The following SLCO2B1 variants were observed in gnomAD, a reference collection of about 807,000 sequenced individuals.
SLCO2B1 encodes OATP-RP2.
Under a neutral mutation model 67.3 loss-of-function variants are expected in SLCO2B1, and 41 were observed. The ratio of observed to expected loss-of-function variants is 0.61; its 90% CI spans 0.47 to 0.79. The LOEUF (loss-of-function observed/expected upper bound fraction) is 0.79. Among genes scored for constraint, SLCO2B1 ranks in the 30% least tolerant of loss-of-function variants. The pLI, the probability that SLCO2B1 is intolerant of heterozygous loss-of-function variation, is 0.00. For synonymous variants in SLCO2B1, 379 were observed against 381.4 expected, an observed-to-expected ratio of 0.99 and a Z score of 0.07; for missense variants, 837 against 920.1, an observed-to-expected ratio of 0.91 and a Z score of 1.17.
chr11:75,187,333 C>T (rs1212416225), intron 7 of SLCO2B1, among the ~76,000 whole-genome samples: 1 of 152,188 alleles, frequency 6.6e-6, no homozygotes, highest in Admixed American at 6.5e-5. Flanking sequence ...TGCACATGGG[C>T]CGTTCCCACC....
Position 75,204,412 on chromosome 11 carries a change from C to G in SLCO2B1, c.1962C>G (p.Leu654=). The part of the protein sequence containing the change: ...NDLLRNRFIG[L]QFFFKTGSVI... ...ATTCTTTCCCCAGGTTCATCGGCCT[C>G]CAGTTCTTCTTCAAAACAGGTTCTG... The change falls in exon 14 of 14, where the codon CTC becomes CTG. Residue 654 remains leucine (L), a synonymous_variant. Coordinates refer to ENST00000289575, the MANE Select transcript of SLCO2B1 (RefSeq NM_007256.5). 2 of 1,606,550 alleles carry G rather than the reference C, an allele frequency of 1.2e-6. No homozygotes were observed.
At chr11:75,200,774 C>T (rs1440870986) in intron 11 of SLCO2B1, 4 of 168,066 alleles carry the variant, frequency 2.4e-5, no homozygotes, top group Non-Finnish European at 5.0e-5. Context: ...GGAGGTGCAT[C>T]TAGGAAACCA....
intron 9 of SLCO2B1, among the ~76,000 whole-genome samples, chr11:75,195,330 C>T (rs1204513196): frequency 1.3e-5 from 2 of 152,216 alleles, no homozygotes; most frequent in Non-Finnish European, 2.9e-5. Context: ...TCCTGATGGG[C>T]CCTCAGCTCA....
chr11:75,198,536 C>G (rs758125674), intron 10 of SLCO2B1, among the ~76,000 whole-genome samples: 1 of 152,248 alleles, frequency 6.6e-6, no homozygotes, highest in Non-Finnish European at 1.5e-5. Context: ...AAGGACCAGA[C>G]ATTGCCCAGA....
intron 3 of SLCO2B1, among the ~76,000 whole-genome samples, chr11:75,165,549 C>G (rs371647766): frequency 5.3e-5 from 8 of 152,314 alleles, no homozygotes; most frequent in African/African-American, 1.9e-4. Flanking sequence ...AACATGGGGT[C>G]CAATCTGTGT....
chr11:75,188,312 C>G (rs1469066673), intron 8 of SLCO2B1, 74 bp downstream of exon 8: 35 of 964,098 alleles, frequency 3.6e-5, no homozygotes, highest in Non-Finnish European at 5.4e-5. Context: ...TCCAGTCCTT[C>G]CTGCTTTTCT....
At chr11:75,172,628 C>A in intron 7 of SLCO2B1, 59 bp downstream of exon 7, 1 of 1,462,218 alleles carries the variant, frequency 6.8e-7, no homozygotes, top group South Asian at 1.2e-5. Flanking sequence ...CACTTGTTCT[C>A]CTTTGTAACA....
intron 4 of SLCO2B1, among the ~76,000 whole-genome samples, chr11:75,166,612 A>G (rs1311999068): frequency 1.3e-5 from 2 of 151,328 alleles, no homozygotes; most frequent in African/African-American, 4.9e-5. Context: ...TCCATCATCT[A>G]TCCACCCATC....
chr11:75,186,496 G>A (rs1020746225), intron 7 of SLCO2B1, among the ~76,000 whole-genome samples: 3 of 151,392 alleles, frequency 2.0e-5, no homozygotes, highest in East Asian at 3.9e-4. Context: ...GGTGTGAGCC[G>A]CCACGCCCGA....
intron 7 of SLCO2B1, among the ~76,000 whole-genome samples, chr11:75,175,997 G>A (rs1950018549): frequency 6.6e-6 from 1 of 152,118 alleles, no homozygotes; most frequent in African/African-American, 2.4e-5. Flanking sequence ...TGTATCTGCG[G>A]CCTCAGAGCT....
chr11:75,176,237 G>A (rs1950021684), intron 7 of SLCO2B1, among the ~76,000 whole-genome samples: 1 of 152,172 alleles, frequency 6.6e-6, no homozygotes, highest in Non-Finnish European at 1.5e-5. Context: ...CATTCAGCCA[G>A]CAACTCTCCT....
chr11:75,155,985 C>T (rs564031819), intron 1 of SLCO2B1, among the ~76,000 whole-genome samples: 4 of 152,106 alleles, frequency 2.6e-5, no homozygotes, highest in Non-Finnish European at 5.9e-5. Flanking sequence ...CCTGTACTCA[C>T]GGTTTGCAGA....
chr11:75,166,368 G>T (rs894976284), intron 4 of SLCO2B1, among the ~76,000 whole-genome samples: 1 of 152,106 alleles, frequency 6.6e-6, no homozygotes, highest in Non-Finnish European at 1.5e-5. Flanking sequence ...CCTCATAAAA[G>T]ACATTGGGAA....
intron 7 of SLCO2B1, among the ~76,000 whole-genome samples, chr11:75,185,888 C>T (rs182348996): frequency 4.0e-4 from 61 of 152,150 alleles, no homozygotes; most frequent in African/African-American, 1.3e-3. Context: ...TTGCAAGAAT[C>T]GATATTATTA....
At chr11:75,176,343 C>T (rs537820392) in intron 7 of SLCO2B1, among the ~76,000 whole-genome samples, 6 of 152,360 alleles carry the variant, frequency 3.9e-5, no homozygotes, top group African/African-American at 9.6e-5. Context: ...GGCAGGCAAG[C>T]CTGTGCCATG....
chr11:75,191,220 C>G (rs1945019163), intron 8 of SLCO2B1, among the ~76,000 whole-genome samples: 1 of 152,034 alleles, frequency 6.6e-6, no homozygotes, highest in African/African-American at 2.4e-5. Context: ...TTAAACTGGC[C>G]TCTGGATGAA....
At chr11:75,199,838 G>A (rs1263611121) in intron 10 of SLCO2B1, 1 of 183,564 alleles carries the variant, frequency 5.4e-6, no homozygotes, top group African/African-American at 2.3e-5. Flanking sequence ...TACCTAGGGA[G>A]TGAGTGCAGG....
At position 75,186,055 on chromosome 11, in the gene SLCO2B1, G is replaced by A. The variant is rs559813898; in HGVS notation, c.973-2081G>A. Among the ~76,000 whole-genome samples the A allele has an allele frequency of 2.6e-5, 4 of 152,170 alleles. No homozygotes were observed. The South Asian group carries it at 8.3e-4, about 32-fold the overall frequency. ...CCTGACTTTCTGGGAATGCAGCCCA[G>A]CAAGTCCCAGCCTCATTTTCCTACC... On this transcript the variant is annotated intron_variant, in intron 7 of 13. Coordinates refer to ENST00000289575, the MANE Select transcript of SLCO2B1 (RefSeq NM_007256.5).
intron 3 of SLCO2B1, among the ~76,000 whole-genome samples, 159 bp from the exon 4 acceptor site, chr11:75,165,628 C>T (rs534163926): frequency 1.9e-4 from 29 of 152,340 alleles, no homozygotes; most frequent in African/African-American, 6.0e-4. Context: ...GGGGGCCGTG[C>T]GGCCCTTCCG....
Sources: allele counts gnomAD v4.1 joint callset (sites outside exome capture counted in the v4.1 genomes callset), GRCh38; gene constraint gnomAD v4.1.1; transcripts MANE v1.5; gene names NCBI Gene and HGNC (gene_info 2026-07-23, HGNC 2026-07-21).